DLGAP2: variants seen among roughly 807,000 people sequenced by gnomAD.
The protein encoded by DLGAP2 is disks large-associated protein 2.
DLGAP2 carries 26 observed loss-of-function variants against 100.3 expected under a neutral mutation model. The observed-to-expected ratio is 0.26, with a 90% confidence interval of 0.19 to 0.36. DLGAP2 has a LOEUF of 0.36. Ranked by LOEUF, DLGAP2 falls within the 10% of genes least tolerant of loss-of-function variation. DLGAP2 has a pLI of 1.00. For synonymous variants in DLGAP2, 886 were observed against 630.1 expected, an observed-to-expected ratio of 1.41 and a Z score of -6.08; for missense variants, 1,858 against 1,453.2, an observed-to-expected ratio of 1.28 and a Z score of -4.53.
intron 3 of DLGAP2, among the ~76,000 whole-genome samples, chr8:1,355,467 C>T (rs1291521517): frequency 6.6e-6 from 1 of 152,132 alleles, no homozygotes; most frequent in Non-Finnish European, 1.5e-5. Flanking sequence ...CGGGTTCAAG[C>T]GATTCTCCTG....
chr8:1,063,042 T>A (rs987812427), intron 2 of DLGAP2, among the ~76,000 whole-genome samples: 2 of 152,216 alleles, frequency 1.3e-5, no homozygotes, highest in African/African-American at 4.8e-5. Context: ...TGTTTTTCTA[T>A]GCAAGCAATG....
chr8:1,688,851 G>A (rs967478451), intron 12 of DLGAP2, among the ~76,000 whole-genome samples: 5 of 152,182 alleles, frequency 3.3e-5, no homozygotes, highest in Middle Eastern at 3.2e-3. Flanking sequence ...GGGTCACGGC[G>A]TGCCATAAGC....
intron 4 of DLGAP2, among the ~76,000 whole-genome samples, chr8:1,529,341 T>C (rs4338133): frequency 0.46 from 69,984 of 151,978 alleles, 16,670 homozygotes; most frequent in South Asian, 0.69. Flanking sequence ...AACATGGGGA[T>C]TATAGGGATT....
intron 2 of DLGAP2, among the ~76,000 whole-genome samples, chr8:1,111,706 T>A (rs995406378): frequency 6.6e-6 from 1 of 152,184 alleles, no homozygotes; most frequent in Non-Finnish European, 1.5e-5. Context: ...GGCCTCCAGC[T>A]CCATCCATGT....
intron 6 of DLGAP2, among the ~76,000 whole-genome samples, chr8:1,623,552 A>G (rs4875876): frequency 0.65 from 94,572 of 144,594 alleles, 30,198 homozygotes; most frequent in African/African-American, 0.78. Context: ...AGTGCGTGAT[A>G]ACCTGGCACC....
intron 4 of DLGAP2, among the ~76,000 whole-genome samples, chr8:1,504,607 C>G (rs1292895601): frequency 2.6e-5 from 4 of 152,190 alleles, no homozygotes; most frequent in Non-Finnish European, 5.9e-5. Flanking sequence ...GAGTTCTATG[C>G]TTTCAGATTC....
intron 2 of DLGAP2, among the ~76,000 whole-genome samples, chr8:990,341 GTTC>G (rs1800629848): frequency 1.4e-5 from 2 of 141,616 alleles, no homozygotes; most frequent in Non-Finnish European, 3.1e-5. Flanking sequence ...CGGAGTTCCT[GTTC>G]TTCTCTCCCT....
At chr8:800,622 G>C (rs182774069) in intron 1 of DLGAP2, among the ~76,000 whole-genome samples, 27 of 152,266 alleles carry the variant, frequency 1.8e-4, no homozygotes, top group Non-Finnish European at 3.8e-4. Flanking sequence ...GTACATGTAT[G>C]TTTATATGTG....
intron 3 of DLGAP2, among the ~76,000 whole-genome samples, chr8:1,264,083 G>A (rs923252395): frequency 6.6e-6 from 1 of 152,122 alleles, no homozygotes; most frequent in Admixed American, 6.6e-5. Flanking sequence ...GTTGACCCCT[G>A]TCCCATGCCC....
intron 3 of DLGAP2, among the ~76,000 whole-genome samples, chr8:1,391,493 A>C (rs1367206428): frequency 1.3e-5 from 2 of 152,152 alleles, no homozygotes; most frequent in Non-Finnish European, 2.9e-5. Context: ...GAAAAATGAT[A>C]ATAGCTGGGG....
chr8:1,171,806 T>G (rs571137127), intron 2 of DLGAP2, among the ~76,000 whole-genome samples: 1 of 152,266 alleles, frequency 6.6e-6, no homozygotes, highest in South Asian at 2.1e-4. Context: ...TTCCTGAATA[T>G]AACACACTGA....
At chr8:1,562,906 G>T (rs541230274) in intron 5 of DLGAP2, among the ~76,000 whole-genome samples, 8 of 76,920 alleles carry the variant, frequency 1.0e-4, no homozygotes, top group African/African-American at 4.9e-4. Context: ...ACTGTGTGGT[G>T]TTGGGGTGTC....
At chr8:928,141 T>A (rs928774357) in intron 2 of DLGAP2, among the ~76,000 whole-genome samples, 1 of 152,160 alleles carries the variant, frequency 6.6e-6, no homozygotes, top group Non-Finnish European at 1.5e-5. Context: ...CTAGGAGAAT[T>A]TCTGGTCATG....
intron 3 of DLGAP2, among the ~76,000 whole-genome samples, chr8:1,371,735 C>G (rs1009933889): frequency 1.3e-5 from 2 of 152,142 alleles, no homozygotes; most frequent in East Asian, 3.9e-4. Context: ...GCTTTTAGCT[C>G]ACATGTCATC....
In DLGAP2 at chr8:1,548,408, G is replaced by A. The variant is rs983585769; in HGVS notation, c.173-218G>A. Among the ~76,000 whole-genome samples, 12 of 143,830 alleles carry A rather than the reference G, an allele frequency of 8.3e-5. No individual in the cohort carries two copies. The East Asian group carries it at 2.0e-3, about 24-fold the overall frequency. 94.4% of individuals were successfully genotyped at this position (143,830 alleles called of 152,430 possible). ...CGGGAGGCGGAGCTTGCAGTGAGCCGTGATCGCGCCATTGCACTCCAGCCT... is the reference window on the plus strand; with the variant it reads ...CGGGAGGCGGAGCTTGCAGTGAGCCATGATCGCGCCATTGCACTCCAGCCT... On this transcript the variant is annotated intron_variant, in intron 4 of 14. Transcript: ENST00000637795.
intron 1 of DLGAP2, among the ~76,000 whole-genome samples, chr8:809,853 T>A (rs1030011484): frequency 4.6e-5 from 7 of 152,198 alleles, no homozygotes; most frequent in Non-Finnish European, 8.8e-5. Flanking sequence ...TCTCTAGGAT[T>A]TGTCATGGGA....
intron 4 of DLGAP2, among the ~76,000 whole-genome samples, chr8:1,535,241 C>A (rs1263315189): frequency 6.6e-6 from 1 of 152,242 alleles, no homozygotes; most frequent in East Asian, 1.9e-4. Flanking sequence ...ATCACAGCCT[C>A]AGCCCTGGAC....
intron 3 of DLGAP2, among the ~76,000 whole-genome samples, chr8:1,290,286 G>A (rs1355739547): frequency 2.6e-5 from 4 of 152,146 alleles, no homozygotes; most frequent in African/African-American, 4.8e-5. Context: ...GGCTACACAC[G>A]GTGCATCCAA....
intron 2 of DLGAP2, among the ~76,000 whole-genome samples, chr8:1,141,311 C>G (rs1379850048): frequency 1.3e-5 from 2 of 152,160 alleles, no homozygotes; most frequent in East Asian, 1.9e-4. Flanking sequence ...AATTCTGTAA[C>G]TGGATTCCCC....
Sources: gnomAD v4.1 joint callset for allele counts (sites outside exome capture counted in the v4.1 genomes callset) on GRCh38, gnomAD v4.1.1 for gene constraint, MANE v1.5 for transcripts, NCBI Gene and HGNC (gene_info 2026-07-23, HGNC 2026-07-21) for gene names.